Variants in SHISAL1 observed in about 807,000 individuals in gnomAD.
The protein encoded by SHISAL1 is shisa like 1.
Under a neutral mutation model 22.6 loss-of-function variants are expected in SHISAL1, and 9 were observed. The ratio of observed to expected loss-of-function variants is 0.40; its 90% confidence interval spans 0.24 to 0.70. The LOEUF is 0.70. SHISAL1 is among the 30% of genes least tolerant of loss of function. SHISAL1 has a pLI of 0.39. For synonymous variants in SHISAL1, 119 were observed against 115.4 expected (o/e 1.03, Z -0.20); for missense variants, 246 against 270.6 (o/e 0.91, Z 0.64).
chr22:44,253,838 G>A (rs1046191167), intron 4 of SHISAL1, among the ~76,000 whole-genome samples: 1 of 151,932 alleles, frequency 6.6e-6, no homozygotes, highest in African/African-American at 2.4e-5. Flanking sequence ...ACAACTGTGT[G>A]TGTGTGTGTG....
intron 1 of SHISAL1, among the ~76,000 whole-genome samples, chr22:44,308,617 G>A (rs8136424): frequency 0.046 from 7,006 of 152,216 alleles, 490 homozygotes; most frequent in East Asian, 0.17. Flanking sequence ...GACTTCCCCC[G>A]TCCCCAGGGT....
chr22:44,274,491 G>A (rs751324865), intron 4 of SHISAL1, among the ~76,000 whole-genome samples: 1 of 152,130 alleles, frequency 6.6e-6, no homozygotes, highest in African/African-American at 2.4e-5. Context: ...CTGTTTTCTG[G>A]AGTATGTCTC....
intron 4 of SHISAL1, among the ~76,000 whole-genome samples, chr22:44,277,832 G>C (rs914455990): frequency 6.6e-6 from 1 of 152,204 alleles, no homozygotes. Context: ...TCCATCACAC[G>C]AGAGGCTCGA....
In SHISAL1 at chr22:44,285,520, T is replaced by G; in HGVS notation, c.507A>C (p.Pro169=). 6.2e-7 allele frequency: 1 copy of G among 1,613,520 alleles called. No individual in the cohort carries two copies. The change falls in exon 4 of 5, where the codon CCA becomes CCC. Residue 169 remains proline, a synonymous_variant. Transcript: ENST00000381176. ...GQRAPQPQPP[P]GPLPQAPQAV... is the part of the protein sequence containing the mutation. Reference sequence around the variant, plus strand: ...CCTGTGGGGCTTGTGGCAGCGGGCCTGGGGGAGGCTGCGGCTGTGGGGCCC... The same window carrying G: ...CCTGTGGGGCTTGTGGCAGCGGGCCGGGGGGAGGCTGCGGCTGTGGGGCCC...
At chr22:44,313,589 G>A (rs967586880), upstream of SHISAL1, among the ~76,000 whole-genome samples, 13 of 152,214 alleles carry the variant, frequency 8.5e-5, no homozygotes, top group African/African-American at 2.2e-4. Context: ...GCCACTGTTC[G>A]AAACACATCA....
At chr22:44,321,469 C>T in the SHISAL1 span, among the ~76,000 whole-genome samples, 9 of 149,026 alleles carry the variant, frequency 6.0e-5, no homozygotes, top group Non-Finnish European at 1.3e-4. Context: ...TGATGCTCAG[C>T]CCCTTTCCTA....
At chr22:44,321,120 C>T in the SHISAL1 span, among the ~76,000 whole-genome samples, 240 of 152,246 alleles carry the variant, frequency 1.6e-3, no homozygotes, top group African/African-American at 5.4e-3. Flanking sequence ...ATGTCTGCCC[C>T]GGGCACAGCA....
upstream of SHISAL1, among the ~76,000 whole-genome samples, chr22:44,317,069 C>T (rs964647938): frequency 6.6e-6 from 1 of 152,212 alleles, no homozygotes; most frequent in African/African-American, 2.4e-5. Flanking sequence ...GCTCCCCAAC[C>T]CCTGACCTGG....
At chr22:44,290,188 C>T (rs781204758) in intron 3 of SHISAL1, among the ~76,000 whole-genome samples, 7 of 152,212 alleles carry the variant, frequency 4.6e-5, no homozygotes, top group Non-Finnish European at 1.0e-4. Context: ...AACATCAGCT[C>T]AGCTGGAAGA....
At chr22:44,329,090 A>G in the SHISAL1 span, among the ~76,000 whole-genome samples, 1 of 152,058 alleles carries the variant, frequency 6.6e-6, no homozygotes, top group Admixed American at 6.6e-5. Context: ...GGAGCTCCCC[A>G]CTGCCTCATG....
chr22:44,268,946 G>A (rs960825649), intron 4 of SHISAL1, among the ~76,000 whole-genome samples: 1 of 152,022 alleles, frequency 6.6e-6, no homozygotes, highest in African/African-American at 2.4e-5. Context: ...TTGGTTCCAT[G>A]GGCCCTGGCA....
At chr22:44,327,240 GCA>G in the SHISAL1 span, among the ~76,000 whole-genome samples, 15,458 of 144,600 alleles carry the variant, frequency 0.11, 985 homozygotes, top group East Asian at 0.25. Context: ...TGGGGGGCGC[GCA>G]CACACACACA....
upstream of SHISAL1, among the ~76,000 whole-genome samples, chr22:44,315,906 T>C (rs2055555605): frequency 6.6e-6 from 1 of 152,004 alleles, no homozygotes; most frequent in African/African-American, 2.4e-5. Flanking sequence ...AATGGCAGGA[T>C]GGGTCTCCAT....
intron 3 of SHISAL1, 35 bp from the exon 4 acceptor site, chr22:44,285,780 G>A (rs1316297206): frequency 1.3e-6 from 2 of 1,551,112 alleles, no homozygotes; most frequent in South Asian, 1.2e-5. Context: ...AGCAAGCAGA[G>A]GGGAGCAGTC....
the SHISAL1 span, among the ~76,000 whole-genome samples, chr22:44,325,228 G>T: frequency 6.7e-6 from 1 of 148,582 alleles, no homozygotes; most frequent in African/African-American, 2.5e-5. Context: ...GGGTGACAGA[G>T]AGAGACTCCG....
chr22:44,263,035 T>A (rs1236332592), intron 4 of SHISAL1, among the ~76,000 whole-genome samples: 2 of 150,580 alleles, frequency 1.3e-5, no homozygotes, highest in East Asian at 2.0e-4. Flanking sequence ...GGTATGCATG[T>A]GGGGTGTGGG....
At chr22:44,324,166 C>G in the SHISAL1 span, among the ~76,000 whole-genome samples, 1 of 152,200 alleles carries the variant, frequency 6.6e-6, no homozygotes, top group Non-Finnish European at 1.5e-5. Context: ...TCACAAGCCA[C>G]TCAGGTTATT....
In SHISAL1 at chr22:44,274,653, G is replaced by A. The variant is rs115199078; in HGVS notation, c.599+10775C>T. On this transcript the variant is annotated intron_variant, in intron 4 of 4. Coordinates refer to ENST00000381176, the MANE Select transcript of SHISAL1 (RefSeq NM_001099294.2). ...CGCTGAAATGGTATTTAGAAAGGTCGGGTAAAATCGCAGGGTCATCGCTGA... is the reference window on the plus strand; with the variant it reads ...CGCTGAAATGGTATTTAGAAAGGTCAGGTAAAATCGCAGGGTCATCGCTGA... 1.6e-3 allele frequency among the ~76,000 whole-genome samples: 241 copies of A among 152,256 alleles called. 1 individual carries two copies. The highest frequency in any genetic ancestry group is 5.3e-3 in the African/African-American group (220 of 41,514).
At chr22:44,249,766 A>C (rs1432232128) in intron 4 of SHISAL1, 81 bp from the exon 5 acceptor site, 5 of 769,006 alleles carry the variant, frequency 6.5e-6, no homozygotes, top group South Asian at 5.5e-5. Flanking sequence ...GTGCCGGAAG[A>C]AGCCAGGTTT....
Sources: allele counts gnomAD v4.1 joint callset (sites outside exome capture counted in the v4.1 genomes callset), GRCh38; gene constraint gnomAD v4.1.1; transcripts MANE v1.5; gene names NCBI Gene and HGNC (gene_info 2026-07-23, HGNC 2026-07-21).